ROBO2: variants seen among roughly 807,000 people sequenced by gnomAD.
The protein encoded by ROBO2 is roundabout homolog 2.
ROBO2 carries 53 observed loss-of-function variants against 160.8 expected under a neutral mutation model. The observed-to-expected ratio is 0.33, with a 90% CI of 0.26 to 0.41. ROBO2 has a LOEUF of 0.41. Ranked by LOEUF, ROBO2 falls within the 10% of genes least tolerant of loss-of-function variation. The pLI is 1.00. For synonymous variants in ROBO2, 664 were observed against 611.7 expected, an observed-to-expected ratio of 1.09 and a Z score of -1.26; for missense variants, 1,577 against 1,722.4, an observed-to-expected ratio of 0.92 and a Z score of 1.49.
intron 2 of ROBO2, among the ~76,000 whole-genome samples, chr3:77,460,364 T>C (rs767654901): frequency 4.6e-5 from 7 of 152,156 alleles, no homozygotes; most frequent in Non-Finnish European, 1.0e-4. Flanking sequence ...TGAGTTACTC[T>C]TAGACATTCA....
intron 2 of ROBO2, among the ~76,000 whole-genome samples, chr3:76,595,001 G>T (rs2086651231): frequency 6.6e-6 from 1 of 151,968 alleles, no homozygotes; most frequent in Admixed American, 6.6e-5. Flanking sequence ...TTAAGTCATG[G>T]GGGTGGAGCC....
chr3:76,986,491 A>G (rs2060388764), intron 2 of ROBO2, among the ~76,000 whole-genome samples: 1 of 152,138 alleles, frequency 6.6e-6, no homozygotes, highest in Non-Finnish European at 1.5e-5. Context: ...AATGCCCAAG[A>G]ACATACTAAT....
intron 2 of ROBO2, among the ~76,000 whole-genome samples, chr3:76,597,033 C>T (rs2086778260): frequency 6.6e-6 from 1 of 152,090 alleles, no homozygotes. Context: ...ACAATTGATG[C>T]TGAAGTAATT....
chr3:76,427,140 A>C (rs928573372), intron 2 of ROBO2, among the ~76,000 whole-genome samples: 1 of 152,098 alleles, frequency 6.6e-6, no homozygotes, highest in Non-Finnish European at 1.5e-5. Context: ...TGCCCTTCAC[A>C]ATGCAGGATT....
upstream of ROBO2, among the ~76,000 whole-genome samples, chr3:77,039,243 T>G (rs1437885839): frequency 6.6e-6 from 1 of 152,180 alleles, no homozygotes; most frequent in African/African-American, 2.4e-5. Flanking sequence ...CACACAACCT[T>G]TCCAGTCCAA....
intron 2 of ROBO2, among the ~76,000 whole-genome samples, chr3:76,345,416 GCAGGA>G (rs1463975028): frequency 6.0e-5 from 8 of 134,232 alleles, no homozygotes; most frequent in Admixed American, 5.5e-4. Flanking sequence ...TCAAGAGTAG[GCAGGA>G]TATCTTTTTT....
intron 2 of ROBO2, among the ~76,000 whole-genome samples, chr3:77,010,240 A>C (rs2061800585): frequency 6.6e-6 from 1 of 152,122 alleles, no homozygotes; most frequent in Non-Finnish European, 1.5e-5. Context: ...AATGACTGTC[A>C]ACCAAGAACT....
At chr3:76,835,719 G>T (rs1351506990) in intron 2 of ROBO2, among the ~76,000 whole-genome samples, 1 of 151,858 alleles carries the variant, frequency 6.6e-6, no homozygotes, top group Non-Finnish European at 1.5e-5. Flanking sequence ...CAAGCGTGTT[G>T]ACATATTTTT....
intron 2 of ROBO2, among the ~76,000 whole-genome samples, chr3:77,001,866 T>C (rs2061351123): frequency 6.6e-6 from 1 of 152,190 alleles, no homozygotes; most frequent in Non-Finnish European, 1.5e-5. Context: ...GCTTAGAATG[T>C]GAGCTGATCA....
At chr3:77,241,035 T>C (rs2151371873) in intron 2 of ROBO2, among the ~76,000 whole-genome samples, 1 of 152,322 alleles carries the variant, frequency 6.6e-6, no homozygotes, top group African/African-American at 2.4e-5. Context: ...ACAGTTCAAA[T>C]AGAAGTAGTT....
At chr3:76,374,449 A>G (rs1283870032) in intron 2 of ROBO2, among the ~76,000 whole-genome samples, 1 of 152,084 alleles carries the variant, frequency 6.6e-6, no homozygotes, top group Admixed American at 6.6e-5. Context: ...AAACACAAGT[A>G]GATAAACACA....
At chr3:77,619,299 C>G (rs2094849802) in intron 22 of ROBO2, among the ~76,000 whole-genome samples, 1 of 152,106 alleles carries the variant, frequency 6.6e-6, no homozygotes, top group Non-Finnish European at 1.5e-5. Context: ...ATTTCTGATA[C>G]CAAGTACAAG....
At chr3:76,878,774 A>G (rs1306871727) in intron 2 of ROBO2, among the ~76,000 whole-genome samples, 1 of 152,156 alleles carries the variant, frequency 6.6e-6, no homozygotes, top group African/African-American at 2.4e-5. Context: ...ATTAGATTAG[A>G]GCTGTAAGTG....
At chr3:76,952,633 C>G (rs571545396) in intron 2 of ROBO2, among the ~76,000 whole-genome samples, 4 of 151,976 alleles carry the variant, frequency 2.6e-5, no homozygotes, top group South Asian at 4.2e-4. Context: ...CACAGTCATG[C>G]AATTATCATA....
chr3:76,086,827 T>C (rs891484270), intron 2 of ROBO2, among the ~76,000 whole-genome samples: 4 of 152,026 alleles, frequency 2.6e-5, no homozygotes, highest in East Asian at 3.9e-4. Context: ...ACATAGACAA[T>C]GTAAACAGAT....
At chr3:76,377,130 A>T (rs1232571354) in intron 2 of ROBO2, among the ~76,000 whole-genome samples, 1 of 152,118 alleles carries the variant, frequency 6.6e-6, no homozygotes, top group Non-Finnish European at 1.5e-5. Flanking sequence ...CAGAAAATTC[A>T]ATTTCTTATG....
At chr3:77,445,374 C>T (rs1402032429) in intron 2 of ROBO2, among the ~76,000 whole-genome samples, 1 of 151,978 alleles carries the variant, frequency 6.6e-6, no homozygotes, top group Non-Finnish European at 1.5e-5. Flanking sequence ...ATATATTAAA[C>T]AGAAAGCTTA....
At position 77,304,343 on chromosome 3, in the gene ROBO2, C is replaced by A. The variant is rs2062912316; in HGVS notation, c.389-173071C>A. On this transcript the variant is annotated intron_variant, in intron 2 of 25. Transcript: ENST00000461745. ...TGTACCTCTAGCAGAGTGGCCATTG[C>A]CTGAAGGCACGGTGCTGTTTTCCTC... 2.6e-5 allele frequency among the ~76,000 whole-genome samples: 4 copies of A among 152,156 alleles called. No homozygotes were observed. The South Asian group carries it at 8.3e-4, about 32-fold the overall frequency.
intron 2 of ROBO2, among the ~76,000 whole-genome samples, chr3:76,217,192 A>G (rs1356129417): frequency 1.3e-5 from 2 of 152,230 alleles, no homozygotes; most frequent in Non-Finnish European, 2.9e-5. Context: ...GTAGCACTAA[A>G]TGTCCACAAG....
Sources: gnomAD v4.1 joint callset for allele counts (sites outside exome capture counted in the v4.1 genomes callset) on GRCh38, gnomAD v4.1.1 for gene constraint, MANE v1.5 for transcripts, NCBI Gene and HGNC (gene_info 2026-07-23, HGNC 2026-07-21) for gene names.